The following MMP21 variants were observed in gnomAD, a reference collection of about 807,000 sequenced individuals.
MMP21 encodes the protein matrix metalloproteinase-21.
In MMP21, 40 loss-of-function variants were observed where a neutral mutation model predicts 47.8. That is an observed-to-expected ratio of 0.84 (90% CI 0.65 to 1.09). The LOEUF (loss-of-function observed/expected upper bound fraction) is 1.09, where lower values mean the gene tolerates loss of function less well. MMP21 is among the 50% of genes least tolerant of loss of function. The pLI, the probability that MMP21 is intolerant of heterozygous loss-of-function variation, is 0.00. For missense variants in MMP21, 747 were observed against 775.3 expected, an observed-to-expected ratio of 0.96 and a Z score of 0.43; for synonymous variants, 341 against 318.0, an observed-to-expected ratio of 1.07 and a Z score of -0.77.
At chr10:125,770,622 G>T in intron 4 of MMP21, 31 bp from the exon 5 acceptor site, 1 of 1,610,016 alleles carries the variant, frequency 6.2e-7, no homozygotes, top group Non-Finnish European at 8.5e-7. Flanking sequence ...ACAGCCACTT[G>T]TCACATACAT....
rs1450504599 is a variant in MMP21 at position 125,772,728 on chromosome 10, C to T, written c.720G>A (p.Arg240=). Reference sequence around the variant, plus strand: ...ACTCCTGCCCGCTCCCATCGAAGGCCCGCGGACAGCCCAGGTGCCGGCCTG... The same window carrying T: ...ACTCCTGCCCGCTCCCATCGAAGGCTCGCGGACAGCCCAGGTGCCGGCCTG... ...FGRGRHLGCP[R]AFDGSGQEFA... is the part of the protein sequence containing the mutation. Residue 240 remains arginine (R), a synonymous_variant, in exon 3 of 7, where the codon CGG becomes CGA. Coordinates refer to ENST00000368808, the MANE Select transcript of MMP21 (RefSeq NM_147191.1). The surrounding 1 kb of genome is among the most constrained non-coding windows in gnomAD (Gnocchi z 5.6). The T allele has an allele frequency of 1.2e-6, 2 of 1,614,004 alleles. No homozygotes were observed. The highest frequency in any genetic ancestry group is 1.1e-5 in the South Asian group (1 of 91,084).
intron 5 of MMP21, among the ~76,000 whole-genome samples, chr10:125,769,810 C>T (rs1018060648): frequency 1.3e-5 from 2 of 152,104 alleles, no homozygotes; most frequent in Non-Finnish European, 2.9e-5. Context: ...CACCTTAGTA[C>T]CTAGGAAAGT....
chr10:125,772,825 C>G lies in MMP21; in HGVS notation c.698-75G>C. The G allele has an allele frequency of 1.3e-6, 2 of 1,549,802 alleles. No homozygotes were observed. Among genetic ancestry groups the G allele is most frequent in the Non-Finnish European group, 1.8e-6 (2 of 1,141,770 alleles). ...ATACAGACTCCTCACCTAGGGGGTCCCCAGCCTCCAGGAGCCGGCAGCAGA... is the reference window on the plus strand; with the variant it reads ...ATACAGACTCCTCACCTAGGGGGTCGCCAGCCTCCAGGAGCCGGCAGCAGA... On this transcript the variant is annotated intron_variant, in intron 2 of 6. Coordinates refer to ENST00000368808, the MANE Select transcript of MMP21 (RefSeq NM_147191.1). The surrounding 1 kb of genome is among the most constrained non-coding windows in gnomAD (Gnocchi z 5.6).
intron 4 of MMP21, among the ~76,000 whole-genome samples, chr10:125,770,838 C>A (rs1456613476): frequency 6.6e-6 from 1 of 150,388 alleles, no homozygotes; most frequent in African/African-American, 2.5e-5. Context: ...CATGGTGAAA[C>A]CCAGTGTCTA....
Position 125,772,430 on chromosome 10 carries a change from C to T in MMP21, c.838-71G>A, listed in dbSNP as rs28381293. The T allele has an allele frequency of 6.3e-7, 1 of 1,595,844 alleles. No individual in the cohort carries two copies. Among genetic ancestry groups the T allele is most frequent in the Non-Finnish European group, 8.6e-7 (1 of 1,167,876 alleles). ...TGGATCCCTGCATAACAGACGCAGG[C>T]CTGTGCTTCGAGAGGAGCGTTGCTT... On this transcript the variant is annotated intron_variant, in intron 3 of 6. Transcript: ENST00000368808. The surrounding 1 kb of genome is among the most constrained non-coding windows in gnomAD (Gnocchi z 5.6).
At chr10:125,769,819 G>A (rs1293223620) in intron 5 of MMP21, among the ~76,000 whole-genome samples, 8 of 152,262 alleles carry the variant, frequency 5.3e-5, no homozygotes, top group African/African-American at 1.9e-4. Flanking sequence ...ACCTAGGAAA[G>A]TTCATTCACT....
chr10:125,767,004 A>G (rs1850394400), intron 6 of MMP21, 43 bp from the exon 7 acceptor site: 1 of 1,480,472 alleles, frequency 6.8e-7, no homozygotes, highest in Middle Eastern at 2.1e-4. Context: ...GAAAATTATT[A>G]ATATTTTTTG....
chr10:125,767,481 C>T (rs1176572104), intron 6 of MMP21, 51 bp downstream of exon 6: 1 of 1,533,284 alleles, frequency 6.5e-7, no homozygotes, highest in East Asian at 2.3e-5. Context: ...TCTGACGAAT[C>T]TCTATTAGGG....
Position 125,774,187 on chromosome 10 carries a change from C to G in MMP21, c.341G>C (p.Arg114Pro). 7.8e-7 allele frequency: 1 copy of G among 1,277,184 alleles called. No individual in the cohort carries two copies. Among genetic ancestry groups the G allele is most frequent in the Non-Finnish European group, 9.8e-7 (1 of 1,015,464 alleles). The allele number at this position is 1,277,184 out of a possible 1,614,324, so 79.1% of individuals were successfully genotyped here. ...CATGTCCGGGACCCCGCAGCGCGGC[C>G]GGTTCATGGCCGCTAGGGTGGCCGC... ...LDAATLAAMN[R>P]PRCGVPDMRP... The change falls in exon 2 of 7, where the codon CGG becomes CCG. Residue 114 changes from arginine (R) to proline (P), a missense_variant. Physicochemically the swap from Arg to Pro is moderately radical, Grantham distance 103. Coordinates refer to ENST00000368808, the MANE Select transcript of MMP21 (RefSeq NM_147191.1).
rs753274145 is a variant in MMP21 at position 125,770,449 on chromosome 10, T to C, written c.1122A>G (p.Thr374=). Residue 374 remains threonine, a synonymous_variant, in exon 5 of 7, where the codon ACA becomes ACG. Coordinates refer to ENST00000368808, the MANE Select transcript of MMP21 (RefSeq NM_147191.1). ...YWLYENRNNR[T]RYGDPIQILT... is the part of the protein sequence containing the mutation. ...GGATTTGGATAGGGTCCCCATAGCG[T>C]GTCCTATTGTTTCGATTTTCATAAA... 9.3e-6 allele frequency: 15 copies of C among 1,614,086 alleles called. No homozygotes were observed. The highest frequency in any genetic ancestry group is 1.3e-5 in the Non-Finnish European group (15 of 1,180,042).
intron 1 of MMP21, 143 bp downstream of exon 1, chr10:125,775,517 C>T: frequency 9.5e-7 from 1 of 1,056,112 alleles, no homozygotes; most frequent in Non-Finnish European, 1.3e-6. Flanking sequence ...AGGAGCCACT[C>T]CTCCCTCTCA....
In MMP21 at chr10:125,766,840, T is replaced by TA. The variant is rs768247591; in HGVS notation, c.1531dup (p.Tyr511LeufsTer21). ...GAAAATGGAGTTGTATGCATAGGAG[T>TA]AATAAGCGGAATCTATATTTCTGAA... On this transcript the variant is annotated frameshift_variant, in exon 7 of 7. Coordinates refer to ENST00000368808, the MANE Select transcript of MMP21 (RefSeq NM_147191.1). LOFTEE classifies it low-confidence loss of function (END_TRUNC). 6.2e-7 allele frequency: 1 copy of TA among 1,613,834 alleles called. No homozygotes were observed. The highest frequency in any genetic ancestry group is 1.1e-5 in the South Asian group (1 of 90,992).
intron 4 of MMP21, 84 bp from the exon 5 acceptor site, chr10:125,770,675 G>T: frequency 6.8e-7 from 1 of 1,475,960 alleles, no homozygotes; most frequent in Non-Finnish European, 9.2e-7. Context: ...AATGAAGACA[G>T]TTGCAAAGCT....
Position 125,772,525 on chromosome 10 carries a change from C to T in MMP21, c.837+86G>A. The T allele has an allele frequency of 6.2e-7, 1 of 1,600,070 alleles. No homozygotes were observed. The highest frequency in any genetic ancestry group is 8.6e-7 in the Non-Finnish European group (1 of 1,168,786). ...TTCACCTCCTCAGAGGTTGCGGACA[C>T]TACATGAGAAAAGCTTGGACTTTTT... On this transcript the variant is annotated intron_variant, in intron 3 of 6. Coordinates refer to ENST00000368808, the MANE Select transcript of MMP21 (RefSeq NM_147191.1). The surrounding 1 kb of genome is among the most constrained non-coding windows in gnomAD (Gnocchi z 5.6).
intron 4 of MMP21, among the ~76,000 whole-genome samples, chr10:125,771,193 A>G (rs1047337657): frequency 4.6e-5 from 7 of 152,064 alleles, no homozygotes; most frequent in African/African-American, 1.7e-4. Context: ...TGTACGGTTG[A>G]CCACCCTAAA....
intron 5 of MMP21, 82 bp from the exon 6 acceptor site, chr10:125,767,786 C>G: frequency 7.0e-7 from 1 of 1,418,524 alleles, no homozygotes; most frequent in Non-Finnish European, 9.8e-7. Context: ...ATCTAGGTCT[C>G]AGCCAATCCT....
Position 125,774,126 on chromosome 10 carries a change from CG to C in MMP21, c.401del (p.Pro134ArgfsTer43). On this transcript the variant is annotated frameshift_variant, in exon 2 of 7. Coordinates refer to ENST00000368808, the MANE Select transcript of MMP21 (RefSeq NM_147191.1). LOFTEE classifies it high-confidence loss of function. Reference sequence around the variant, plus strand: ...TGGAGCGGGCTCTGGGGGGCGGGCCCGGGGGCGAAGGCGGGGCGGAGGGGGG... The same window carrying C: ...TGGAGCGGGCTCTGGGGGGCGGGCCCGGGGCGAAGGCGGGGCGGAGGGGGG... ...PPPPSAPPSPPGPPPRARSRR... is the reference protein window; with the variant it reads ...PPPPSAPPSPXGPPPRARSRR... The C allele has an allele frequency of 3.1e-6, 4 of 1,299,738 alleles. No individual in the cohort carries two copies. Among genetic ancestry groups the C allele is most frequent in the South Asian group, 2.4e-5 (1 of 42,156 alleles). The allele number at this position is 1,299,738 out of a possible 1,614,324, so 80.5% of individuals were successfully genotyped here. A position where few individuals can be genotyped will look rare whatever the true frequency, so the allele number is the denominator to read the frequency against.
chr10:125,770,707 T>G, intron 4 of MMP21, 116 bp from the exon 5 acceptor site: 1 of 1,173,928 alleles, frequency 8.5e-7, no homozygotes, highest in Non-Finnish European at 1.2e-6. Context: ...TAAAAACACC[T>G]TAAAGCAAGA....
rs776160569 is a variant in MMP21, at chr10:125,766,867, G to T, written c.1505C>A (p.Pro502His). The stretch of plus-strand genomic sequence containing the variant: ...ATAAGCGGAATCTATATTTCTGAAA[G>T]GATGATTTTGTGGTATTACTGCTGG... ...VFPAVIPQNH[P>H]FRNIDSAYYS... The change falls in exon 7 of 7, where the codon CCT becomes CAT. Residue 502 changes from proline (P) to histidine (H), a missense_variant. Transcript: ENST00000368808. 1.2e-6 allele frequency: 2 copies of T among 1,613,476 alleles called. No individual in the cohort carries two copies. The highest frequency in any genetic ancestry group is 4.5e-5 in the East Asian group (2 of 44,828).
Sources: gnomAD v4.1 joint callset for allele counts (sites outside exome capture counted in the v4.1 genomes callset) on GRCh38, gnomAD v4.1.1 for gene constraint, Gnocchi (gnomAD v3.1) non-coding constraint, MANE v1.5 for transcripts, NCBI Gene and HGNC (gene_info 2026-07-23, HGNC 2026-07-21) for gene names.